The following RAPGEF6 variants were observed in gnomAD, a reference collection of about 807,000 sequenced individuals.
RAPGEF6 encodes the protein PDZ domain containing guanine nucleotide exchange factor (GEF) 2.
In RAPGEF6, 56 loss-of-function variants were observed where a neutral mutation model predicts 171.4. The ratio of observed to expected loss-of-function variants is 0.33; its 90% confidence interval spans 0.26 to 0.41. RAPGEF6 has a LOEUF of 0.41. Ranked by LOEUF, RAPGEF6 falls within the 10% of genes least tolerant of loss-of-function variation. The probability of loss-of-function intolerance (pLI) is 1.00; values close to 1 mark genes in which losing one functional copy is unlikely to be tolerated. For missense variants in RAPGEF6, 1,674 were observed against 1,921.4 expected (o/e 0.87, Z 2.41); for synonymous variants, 692 against 650.1 (o/e 1.06, Z -0.98).
chr5:131,572,223 C>G (rs918939305), intron 4 of RAPGEF6, among the ~76,000 whole-genome samples: 2 of 152,106 alleles, frequency 1.3e-5, no homozygotes. Flanking sequence ...CCTGTCCTCA[C>G]GCTCCCTCCG....
chr5:131,536,309 C>T (rs904801429), intron 6 of RAPGEF6, among the ~76,000 whole-genome samples: 2 of 152,114 alleles, frequency 1.3e-5, no homozygotes, highest in Non-Finnish European at 2.9e-5. Context: ...CCGTTTTCCC[C>T]CATGTTTAAC....
intron 17 of RAPGEF6, chr5:131,472,386 T>G (rs551691737): frequency 2.0e-4 from 141 of 702,546 alleles, no homozygotes; most frequent in African/African-American, 1.7e-3. Flanking sequence ...TAGTCTCTTT[T>G]TTATGTACTT....
chr5:131,492,305 T>C (rs1756337737), intron 14 of RAPGEF6, among the ~76,000 whole-genome samples: 2 of 152,140 alleles, frequency 1.3e-5, no homozygotes, highest in South Asian at 4.1e-4. Context: ...AGTTTCCTAA[T>C]CCATGAAGGA....
At chr5:131,582,828 T>C (rs1161619013) in intron 4 of RAPGEF6, among the ~76,000 whole-genome samples, 1 of 152,234 alleles carries the variant, frequency 6.6e-6, no homozygotes, top group African/African-American at 2.4e-5. Flanking sequence ...TGAATTCTCA[T>C]AGACTGCCGG....
At chr5:131,591,490 A>C (rs1561588669) in intron 4 of RAPGEF6, among the ~76,000 whole-genome samples, 2 of 152,218 alleles carry the variant, frequency 1.3e-5, no homozygotes, top group Non-Finnish European at 2.9e-5. Context: ...TATTATGCTC[A>C]TTTTACAAAT....
At chr5:131,561,287 A>G (rs1489060056) in intron 5 of RAPGEF6, among the ~76,000 whole-genome samples, 1 of 152,156 alleles carries the variant, frequency 6.6e-6, no homozygotes, top group African/African-American at 2.4e-5. Flanking sequence ...ACTTTTCTCT[A>G]CTTCATTCTC....
intron 4 of RAPGEF6, among the ~76,000 whole-genome samples, chr5:131,584,151 TATC>T (rs1226821368): frequency 6.6e-6 from 1 of 152,222 alleles, no homozygotes; most frequent in East Asian, 1.9e-4. Context: ...TGCCAAAGCT[TATC>T]AAACTGTATA....
chr5:131,550,336 A>G (rs1430622987), intron 5 of RAPGEF6, among the ~76,000 whole-genome samples: 3 of 152,182 alleles, frequency 2.0e-5, no homozygotes, highest in Admixed American at 6.5e-5. Flanking sequence ...AAACTCTTAC[A>G]TTTGATATTC....
chr5:131,563,809 T>C (rs1348481574), intron 4 of RAPGEF6, among the ~76,000 whole-genome samples: 1 of 152,154 alleles, frequency 6.6e-6, no homozygotes, highest in Non-Finnish European at 1.5e-5. Flanking sequence ...CAGGCCTCAC[T>C]TGTTTTTTCT....
At chr5:131,518,499 G>C (rs575271630) in intron 7 of RAPGEF6, among the ~76,000 whole-genome samples, 270 of 151,888 alleles carry the variant, frequency 1.8e-3, no homozygotes, top group Non-Finnish European at 3.1e-3. Context: ...CTGGGTTCAA[G>C]TGATTCTCCT....
intron 2 of RAPGEF6, 118 bp downstream of exon 2, chr5:131,604,505 A>G: frequency 8.9e-7 from 1 of 1,128,232 alleles, no homozygotes; most frequent in Non-Finnish European, 1.2e-6. Flanking sequence ...TCTAATCTAT[A>G]ATGCATATAC....
chr5:131,446,760 A>T (rs1215946582), intron 21 of RAPGEF6, 57 bp from the exon 22 acceptor site: 5 of 1,439,052 alleles, frequency 3.5e-6, no homozygotes, highest in African/African-American at 1.4e-5. Flanking sequence ...TAAGCATAGC[A>T]GATTGAAGAT....
chr5:131,484,695 A>C (rs1175016749), intron 15 of RAPGEF6, among the ~76,000 whole-genome samples: 1 of 152,206 alleles, frequency 6.6e-6, no homozygotes, highest in East Asian at 1.9e-4. Flanking sequence ...AAAACTATAA[A>C]CAATCTAAAA....
intron 7 of RAPGEF6, among the ~76,000 whole-genome samples, chr5:131,516,273 G>A (rs553914537): frequency 1.3e-5 from 2 of 151,880 alleles, no homozygotes; most frequent in African/African-American, 2.4e-5. Context: ...TAGTAGAGAT[G>A]GGGTTTTGCT....
intron 4 of RAPGEF6, among the ~76,000 whole-genome samples, chr5:131,580,684 A>G (rs1319227128): frequency 6.6e-6 from 1 of 152,192 alleles, no homozygotes; most frequent in African/African-American, 2.4e-5. Flanking sequence ...ATCAGTTCCC[A>G]TTACAACCTC....
chr5:131,476,493 T>C (rs1755103496), intron 16 of RAPGEF6, among the ~76,000 whole-genome samples: 1 of 152,124 alleles, frequency 6.6e-6, no homozygotes, highest in Non-Finnish European at 1.5e-5. Context: ...GGAGTTTCAC[T>C]CTGTCACCCA....
At position 131,553,281 on chromosome 5, in the gene RAPGEF6, A is replaced by G. The variant is rs537303998; in HGVS notation, c.352-5091T>C. On this transcript the variant is annotated intron_variant, in intron 5 of 27. Transcript: ENST00000509018. ...ACAAATTTGAAACCACTGGTGCACCATAACAGCAAGAGAATCCAAACCTAG... is the reference window on the plus strand; with the variant it reads ...ACAAATTTGAAACCACTGGTGCACCGTAACAGCAAGAGAATCCAAACCTAG... Among the ~76,000 whole-genome samples, 89 of 152,380 alleles carry G rather than the reference A, an allele frequency of 5.8e-4. 1 individual carries two copies. Among genetic ancestry groups the G allele is most frequent in the African/African-American group, 1.3e-3 (52 of 41,592 alleles).
At chr5:131,518,458 C>T (rs1758248835) in intron 7 of RAPGEF6, among the ~76,000 whole-genome samples, 1 of 150,082 alleles carries the variant, frequency 6.7e-6, no homozygotes, top group East Asian at 2.0e-4. Context: ...AGTGCAATGG[C>T]GTGATCTTGG....
At chr5:131,634,887 G>T in intron 1 of RAPGEF6, 75 bp downstream of exon 1, 2 of 1,543,656 alleles carry the variant, frequency 1.3e-6, no homozygotes, top group South Asian at 1.1e-5. Context: ...GAGGGCAGTC[G>T]CCGCGGATTT....
Sources: allele counts gnomAD v4.1 joint callset (sites outside exome capture counted in the v4.1 genomes callset), GRCh38; gene constraint gnomAD v4.1.1; transcripts MANE v1.5; gene names NCBI Gene and HGNC (gene_info 2026-07-23, HGNC 2026-07-21).